The following SPNS3 variants were observed in gnomAD, a reference collection of about 807,000 sequenced individuals.
SPNS3 encodes the protein protein spinster homolog 3.
In SPNS3, 51 loss-of-function variants were observed where a neutral mutation model predicts 54.4. The ratio of observed to expected loss-of-function variants is 0.94; its 90% confidence interval spans 0.75 to 1.18. The LOEUF (loss-of-function observed/expected upper bound fraction) is 1.18, where lower values mean the gene tolerates loss of function less well. SPNS3 is among the 50% of genes most tolerant of loss of function. SPNS3 has a pLI of 0.00. For synonymous variants in SPNS3, 309 were observed against 294.7 expected, an observed-to-expected ratio of 1.05 and a Z score of -0.50; for missense variants, 669 against 677.4, an observed-to-expected ratio of 0.99 and a Z score of 0.14.
chr17:4,446,577 G>A (rs1053302507), intron 4 of SPNS3: 16 of 529,164 alleles, frequency 3.0e-5, no homozygotes, highest in Non-Finnish European at 4.4e-5. Context: ...TCAGGACCCT[G>A]GCCTCTGACC....
chr17:4,452,673 G>C (rs1862337858), intron 7 of SPNS3, among the ~76,000 whole-genome samples: 1 of 152,028 alleles, frequency 6.6e-6, no homozygotes, highest in Non-Finnish European at 1.5e-5. Context: ...ATTTTGAGTG[G>C]GGCAGTTTTG....
At position 4,441,402 on chromosome 17, in the gene SPNS3, G is replaced by A. The variant is rs1245128319; in HGVS notation, c.265+1679G>A. On this transcript the variant is annotated intron_variant, in intron 2 of 11. Transcript: ENST00000355530. ...AGACAAAAGAGTTACGTGAGCAACA[G>A]TTAGAAGATCATGGCTTTAGAACAT... Among the ~76,000 whole-genome samples, 5 of 152,314 alleles carry A rather than the reference G, an allele frequency of 3.3e-5. No homozygotes were observed. In the South Asian group the frequency reaches 1.0e-3, roughly 32 times the overall value.
At chr17:4,470,466 A>T (rs1315168235) in intron 8 of SPNS3, among the ~76,000 whole-genome samples, 1 of 152,128 alleles carries the variant, frequency 6.6e-6, no homozygotes, top group Non-Finnish European at 1.5e-5. Flanking sequence ...TGGACAGTTC[A>T]CCCAATAAAG....
At chr17:4,472,774 CTTTTTTTTTTT>C (rs375118697) in intron 8 of SPNS3, among the ~76,000 whole-genome samples, 35 of 50,974 alleles carry the variant, frequency 6.9e-4, no homozygotes, top group East Asian at 2.2e-3. Context: ...GCTTGGCAGC[CTTTTTTTTTTT>C]TTTTTTTTTT....
At chr17:4,476,256 C>T (rs1454280842) in intron 8 of SPNS3, among the ~76,000 whole-genome samples, 1 of 152,222 alleles carries the variant, frequency 6.6e-6, no homozygotes. Flanking sequence ...TGCCGGCCTC[C>T]AGGTGTGTCT....
At chr17:4,460,623 T>A (rs185817918) in intron 8 of SPNS3, among the ~76,000 whole-genome samples, 1 of 150,740 alleles carries the variant, frequency 6.6e-6, no homozygotes, top group Admixed American at 6.6e-5. Context: ...TTTTTTTTTT[T>A]AGTAGAGACG....
At position 4,434,036 on chromosome 17, in the gene SPNS3, G is replaced by A. The variant is rs1382347959; in HGVS notation, c.69G>A (p.Gly23=). The A allele has an allele frequency of 6.2e-7, 1 of 1,607,410 alleles. No homozygotes were observed. Among genetic ancestry groups the A allele is most frequent in the Non-Finnish European group, 8.5e-7 (1 of 1,177,046 alleles). Residue 23 remains glycine (G), a synonymous_variant, in exon 1 of 12, where the codon GGG becomes GGA. Transcript: ENST00000355530. ...GPGGLQGQSP[G]PGRQCPPPIT... is the part of the protein sequence containing the mutation. The stretch of plus-strand genomic sequence containing the variant: ...GAGGTCTGCAGGGCCAGTCCCCAGG[G>A]CCAGGCAGGCAGTGTCCCCCTCCCA...
chr17:4,486,378 TG>T lies in SPNS3; in HGVS notation c.1279-31del. 5 of 1,595,790 alleles carry T rather than the reference TG, an allele frequency of 3.1e-6. No homozygotes were observed. Among genetic ancestry groups the T allele is most frequent in the Non-Finnish European group, 4.3e-6 (5 of 1,170,010 alleles). On this transcript the variant is annotated intron_variant, in intron 10 of 11. Transcript: ENST00000355530. The surrounding 1 kb of genome is among the most constrained non-coding windows in gnomAD (Gnocchi z 5.5). Reference sequence around the variant, plus strand: ...GGGGAGGGTCTGGGGGCCAGGCTGGTGGGCCTGGCAGACTCATCCCTTCTCC... The same window carrying T: ...GGGGAGGGTCTGGGGGCCAGGCTGGTGGCCTGGCAGACTCATCCCTTCTCC...
At chr17:4,443,993 C>T (rs1162694481) in intron 2 of SPNS3, among the ~76,000 whole-genome samples, 1 of 152,124 alleles carries the variant, frequency 6.6e-6, no homozygotes, top group Non-Finnish European at 1.5e-5. Flanking sequence ...CTCAACTACT[C>T]TGGAGGCTGA....
Position 4,434,043 on chromosome 17 carries a change from A to C in SPNS3, c.76A>C (p.Arg26=), listed in dbSNP as rs369433107. The change falls in exon 1 of 12, where the codon AGG becomes CGG. Residue 26 remains arginine, a synonymous_variant. Coordinates refer to ENST00000355530, the MANE Select transcript of SPNS3 (RefSeq NM_182538.5). ...GLQGQSPGPG[R]QCPPPITPTS... ...GCAGGGCCAGTCCCCAGGGCCAGGC[A>C]GGCAGTGTCCCCCTCCCATCACGCC... 1.2e-6 allele frequency: 2 copies of C among 1,608,852 alleles called. No homozygotes were observed. Among genetic ancestry groups the C allele is most frequent in the Admixed American group, 1.7e-5 (1 of 59,474 alleles).
At chr17:4,453,304 G>A in intron 8 of SPNS3, 99 bp downstream of exon 8, 2 of 1,136,088 alleles carry the variant, frequency 1.8e-6, no homozygotes, top group Non-Finnish European at 2.5e-6. Context: ...GTACAATTAT[G>A]TTGATCACTC....
chr17:4,479,981 T>C (rs1216673789), intron 9 of SPNS3, among the ~76,000 whole-genome samples: 1 of 152,242 alleles, frequency 6.6e-6, no homozygotes, highest in Non-Finnish European at 1.5e-5. Flanking sequence ...AAAGAAATCA[T>C]GGTGCCCTAG....
In SPNS3 at chr17:4,446,138, T is replaced by A; in HGVS notation, c.493T>A (p.Phe165Ile). 1.2e-6 allele frequency: 2 copies of A among 1,613,718 alleles called. No individual in the cohort carries two copies. Among genetic ancestry groups the A allele is most frequent in the Non-Finnish European group, 1.7e-6 (2 of 1,179,706 alleles). Reference protein sequence around the residue: ...TIAPTVLGDLFVRDQRTRVLA... With the variant: ...TIAPTVLGDLIVRDQRTRVLA... ...CGCGCCCACCGTCCTGGGCGACCTC[T>A]TCGTGAGGGACCAGCGCACCCGCGT... The change falls in exon 4 of 12, where the codon TTC becomes ATC. Residue 165 changes from phenylalanine (F) to isoleucine (I), a missense_variant. Transcript: ENST00000355530.
intron 8 of SPNS3, among the ~76,000 whole-genome samples, chr17:4,454,631 T>C (rs1971255343): frequency 7.1e-6 from 1 of 140,924 alleles, no homozygotes; most frequent in East Asian, 2.0e-4. Flanking sequence ...TTTTTTTTTT[T>C]TTTGAGACAG....
rs1050560985 is a variant in SPNS3 at position 4,448,177 on chromosome 17, T to A, written c.644T>A (p.Val215Glu). ...ALRVMPCLEA[V>E]ALILLILLVP... ...CAGGTCATGCCCTGCCTGGAGGCCG[T>A]GGCCTTGATCCTGCTTATCCTGCTG... Residue 215 changes from valine (V) to glutamate (E), a missense_variant, in exon 6 of 12, where the codon GTG becomes GAG. Val to Glu is a moderately radical substitution (Grantham distance 121). Coordinates refer to ENST00000355530, the MANE Select transcript of SPNS3 (RefSeq NM_182538.5). 4 of 1,599,314 alleles carry A rather than the reference T, an allele frequency of 2.5e-6. No homozygotes were observed. In the African/African-American group the frequency reaches 5.4e-5, roughly 22 times the overall value.
At chr17:4,450,348 TCCC>T (rs1324297914) in intron 7 of SPNS3, among the ~76,000 whole-genome samples, 4 of 37,532 alleles carry the variant, frequency 1.1e-4, no homozygotes, top group African/African-American at 1.7e-4. Context: ...CCTCTCCCTC[TCCC>T]CTCCTCTCTC....
At chr17:4,457,989 C>T (rs1226099682) in intron 8 of SPNS3, among the ~76,000 whole-genome samples, 1 of 152,110 alleles carries the variant, frequency 6.6e-6, no homozygotes, top group African/African-American at 2.4e-5. Flanking sequence ...AGAACTCTAA[C>T]CCTCAGAGGT....
At chr17:4,443,416 A>G (rs1970904089) in intron 2 of SPNS3, among the ~76,000 whole-genome samples, 1 of 152,234 alleles carries the variant, frequency 6.6e-6, no homozygotes, top group Non-Finnish European at 1.5e-5. Context: ...ATGCATAAAC[A>G]AGATATGAAA....
Position 4,478,618 on chromosome 17 carries a change from T to C in SPNS3, c.1160T>C (p.Val387Ala). 1.3e-6 allele frequency: 2 copies of C among 1,589,918 alleles called. No homozygotes were observed. Among genetic ancestry groups the C allele is most frequent in the Non-Finnish European group, 1.7e-6 (2 of 1,168,240 alleles). Reference protein sequence around the residue: ...GELLLSCNWAVVADILLSVVV... With the variant: ...GELLLSCNWAAVADILLSVVV... ...CTGCTTCTGTCCTGCAACTGGGCAG[T>C]GGTTGCCGACATCCTGCTGGTAGGT... is the stretch of plus-strand genomic sequence containing the variant. Residue 387 changes from valine to alanine, a missense_variant, in exon 9 of 12, where the codon GTG (valine) becomes GCG (alanine). Coordinates refer to ENST00000355530, the MANE Select transcript of SPNS3 (RefSeq NM_182538.5).
Sources: allele counts gnomAD v4.1 joint callset (sites outside exome capture counted in the v4.1 genomes callset), GRCh38; gene constraint gnomAD v4.1.1; non-coding constraint Gnocchi (gnomAD v3.1); transcripts MANE v1.5; gene names NCBI Gene and HGNC (gene_info 2026-07-23, HGNC 2026-07-21).